RMDN2: variants seen among roughly 807,000 people sequenced by gnomAD.
RMDN2 encodes regulator of microtubule dynamics 2.
In RMDN2, 61 loss-of-function variants were observed where a neutral mutation model predicts 52.8. The ratio of observed to expected loss-of-function variants is 1.16; its 90% CI spans 0.94 to 1.43. The LOEUF (loss-of-function observed/expected upper bound fraction) is 1.43. RMDN2 is among the 40% of genes most tolerant of loss of function. RMDN2 has a pLI of 0.00. For synonymous variants in RMDN2, 180 were observed against 153.1 expected (o/e 1.18, Z -1.30); for missense variants, 592 against 475.3 (o/e 1.25, Z -2.28).
At chr2:37,947,023 A>G (rs1028372966) in intron 2 of RMDN2, among the ~76,000 whole-genome samples, 1 of 152,120 alleles carries the variant, frequency 6.6e-6, no homozygotes, top group Non-Finnish European at 1.5e-5. Flanking sequence ...ACTGCTGTCT[A>G]GTGAATTTAT....
intron 10 of RMDN2, among the ~76,000 whole-genome samples, chr2:38,008,237 C>T (rs1677406923): frequency 6.6e-6 from 1 of 152,146 alleles, no homozygotes; most frequent in Non-Finnish European, 1.5e-5. Flanking sequence ...TGGTGCAGAG[C>T]TGAGTTCAAT....
At chr2:37,935,558 A>G (rs1667216213) in intron 2 of RMDN2, among the ~76,000 whole-genome samples, 1 of 152,224 alleles carries the variant, frequency 6.6e-6, no homozygotes, top group African/African-American at 2.4e-5. Flanking sequence ...CATCACGTAT[A>G]TAATTGAAGT....
At chr2:38,028,722 C>G (rs938774762) in intron 10 of RMDN2, among the ~76,000 whole-genome samples, 2 of 152,180 alleles carry the variant, frequency 1.3e-5, no homozygotes, top group African/African-American at 4.8e-5. Flanking sequence ...CATTCCTACC[C>G]CCATCTCACC....
intron 2 of RMDN2, chr2:37,963,327 T>TG (rs1670529973): frequency 7.0e-6 from 1 of 143,602 alleles, no homozygotes; most frequent in African/African-American, 2.7e-5. Context: ...CTTTTTTTTT[T>TG]TTTTTTTTAA....
rs1395879867 is a variant in RMDN2 at position 38,003,588 on chromosome 2, ATAGATAGATAGATAGG to A, written c.1045-402_1045-387del. On this transcript the variant is annotated intron_variant, in intron 8 of 10. Coordinates refer to ENST00000354545, the MANE Select transcript of RMDN2 (RefSeq NM_001170791.3). ...GATAGATAGATAGATAGATAGATAG[ATAGATAGATAGATAGG>A]CAGACAGACAGACAGACAGACAAAT... 3.9e-5 allele frequency among the ~76,000 whole-genome samples: 6 copies of A among 151,920 alleles called. No individual in the cohort carries two copies. The East Asian group carries it at 9.7e-4, about 25-fold the overall frequency.
chr2:37,935,092 T>A (rs1428265169), intron 2 of RMDN2, among the ~76,000 whole-genome samples: 1 of 152,178 alleles, frequency 6.6e-6, no homozygotes, highest in Admixed American at 6.5e-5. Context: ...TCATTTACTG[T>A]TAGGTTCATA....
At chr2:37,997,326 A>T in intron 7 of RMDN2, 90 bp from the exon 8 acceptor site, 3 of 804,114 alleles carry the variant, frequency 3.7e-6, no homozygotes, top group Non-Finnish European at 6.7e-6. Flanking sequence ...ACACGTATAT[A>T]CACATAACAC....
At chr2:37,971,503 A>T (rs930028147) in intron 2 of RMDN2, among the ~76,000 whole-genome samples, 4 of 152,192 alleles carry the variant, frequency 2.6e-5, no homozygotes, top group African/African-American at 4.8e-5. Flanking sequence ...CTAGATTTTT[A>T]AAATATATAA....
chr2:37,967,123 A>G (rs561508805), intron 2 of RMDN2, among the ~76,000 whole-genome samples: 3 of 152,330 alleles, frequency 2.0e-5, no homozygotes, highest in Admixed American at 1.3e-4. Context: ...TTCCACATCA[A>G]TTTGCAAGAA....
chr2:37,947,301 CTTTCTG>C (rs141796278), intron 2 of RMDN2, among the ~76,000 whole-genome samples: 2,111 of 152,176 alleles, frequency 0.014, 56 homozygotes, highest in African/African-American at 0.048. Flanking sequence ...TAGTATTTGA[CTTTCTG>C]TTTCTGAGTT....
chr2:37,951,841 A>G, intron 2 of RMDN2: 1 of 1,613,670 alleles, frequency 6.2e-7, no homozygotes, highest in Non-Finnish European at 8.5e-7. Context: ...GCCTCCTATC[A>G]ACAAAGCACA....
chr2:38,052,863 C>G (rs1681683000), intron 10 of RMDN2, among the ~76,000 whole-genome samples: 2 of 152,180 alleles, frequency 1.3e-5, no homozygotes, highest in Non-Finnish European at 2.9e-5. Flanking sequence ...CAATGCTGCA[C>G]TCACTAGCTA....
chr2:38,043,036 G>C (rs1681062329), intron 10 of RMDN2, among the ~76,000 whole-genome samples: 2 of 152,112 alleles, frequency 1.3e-5, no homozygotes, highest in Non-Finnish European at 1.5e-5. Flanking sequence ...TTTAAAGTTA[G>C]CTATATCCTC....
At chr2:37,936,108 T>C (rs901356952) in intron 2 of RMDN2, among the ~76,000 whole-genome samples, 1 of 152,184 alleles carries the variant, frequency 6.6e-6, no homozygotes, top group Non-Finnish European at 1.5e-5. Flanking sequence ...GTCCATGTGT[T>C]CTCATTGTTC....
At chr2:37,976,892 G>A (rs1672539533) in intron 4 of RMDN2, among the ~76,000 whole-genome samples, 1 of 151,182 alleles carries the variant, frequency 6.6e-6, no homozygotes, top group South Asian at 2.1e-4. Flanking sequence ...GTGTTTCTCG[G>A]AGAGGGGGAT....
chr2:38,039,292 A>G (rs1680806814), intron 10 of RMDN2: 1 of 152,188 alleles, frequency 6.6e-6, no homozygotes, highest in Non-Finnish European at 1.5e-5. Context: ...GGTGAGTCAC[A>G]GAAATGGGAT....
At chr2:38,013,254 C>T (rs536909334) in intron 10 of RMDN2, among the ~76,000 whole-genome samples, 3 of 152,278 alleles carry the variant, frequency 2.0e-5, no homozygotes, top group South Asian at 2.1e-4. Context: ...AGTTCATCAA[C>T]GTGGAGCCTA....
chr2:37,938,444 T>C lies in RMDN2; in HGVS notation c.452+8715T>C, dbSNP rs970759641. ...TAGGGAGGAGTCCCTCTTTTTCTGTTGTTTGGAATAGTTTCAGAAGGAATG... is the reference window on the plus strand; with the variant it reads ...TAGGGAGGAGTCCCTCTTTTTCTGTCGTTTGGAATAGTTTCAGAAGGAATG... On this transcript the variant is annotated intron_variant, in intron 2 of 10. Coordinates refer to ENST00000354545, the MANE Select transcript of RMDN2 (RefSeq NM_001170791.3). Among the ~76,000 whole-genome samples the C allele has an allele frequency of 3.3e-5, 5 of 152,218 alleles. No individual in the cohort carries two copies. The South Asian group carries it at 8.3e-4, about 25-fold the overall frequency.
intron 2 of RMDN2, among the ~76,000 whole-genome samples, chr2:37,936,256 C>T (rs779045299): frequency 2.6e-5 from 4 of 152,186 alleles, no homozygotes; most frequent in Non-Finnish European, 5.9e-5. Context: ...GCATGGTATT[C>T]CATAGTGTGT....
Sources: gnomAD v4.1 joint callset for allele counts (sites outside exome capture counted in the v4.1 genomes callset) on GRCh38, gnomAD v4.1.1 for gene constraint, MANE v1.5 for transcripts, NCBI Gene and HGNC (gene_info 2026-07-23, HGNC 2026-07-21) for gene names.